FHIT: variants seen among roughly 807,000 people sequenced by gnomAD.
FHIT encodes the protein bis(5'-adenosyl)-triphosphatase.
In FHIT, 19 loss-of-function variants were observed where a neutral mutation model predicts 17.9. That is an observed-to-expected ratio of 1.06 (90% CI 0.74 to 1.56). The LOEUF is 1.56. Among genes scored for constraint, FHIT ranks in the 40% most tolerant of loss-of-function variants. FHIT has a pLI of 0.00. For synonymous variants in FHIT, 81 were observed against 69.7 expected (o/e 1.16, Z -0.81); for missense variants, 248 against 189.2 (o/e 1.31, Z -1.82).
chr3:60,542,096 A>T (rs1010787573), intron 4 of FHIT, among the ~76,000 whole-genome samples: 1 of 152,038 alleles, frequency 6.6e-6, no homozygotes, highest in African/African-American at 2.4e-5. Context: ...GGGCCCTTAT[A>T]CATAATTTTT....
intron 4 of FHIT, among the ~76,000 whole-genome samples, chr3:60,810,838 G>A (rs1473585262): frequency 1.3e-5 from 2 of 152,152 alleles, no homozygotes; most frequent in Non-Finnish European, 2.9e-5. Flanking sequence ...AGTATGTGCT[G>A]GTTCTTCATG....
At chr3:60,369,154 G>A (rs901605088) in intron 5 of FHIT, among the ~76,000 whole-genome samples, 6 of 149,574 alleles carry the variant, frequency 4.0e-5, no homozygotes, top group Non-Finnish European at 9.0e-5. Context: ...TTTATTTTTT[G>A]TAGAGGGGGT....
At chr3:60,116,242 A>G (rs1197152127) in intron 5 of FHIT, among the ~76,000 whole-genome samples, 1 of 152,180 alleles carries the variant, frequency 6.6e-6, no homozygotes, top group Non-Finnish European at 1.5e-5. Flanking sequence ...GTAAAGTAGA[A>G]ATATAAACAA....
chr3:60,858,095 ACTC>A (rs1395192240), intron 3 of FHIT, among the ~76,000 whole-genome samples: 1 of 152,040 alleles, frequency 6.6e-6, no homozygotes, highest in Non-Finnish European at 1.5e-5. Flanking sequence ...CTTGGTCACT[ACTC>A]CAGCCCAGTG....
intron 2 of FHIT, among the ~76,000 whole-genome samples, chr3:61,199,354 T>C (rs983738763): frequency 6.6e-6 from 1 of 152,322 alleles, no homozygotes; most frequent in Admixed American, 6.5e-5. Context: ...CTATCAAGTA[T>C]TTCTTTATTC....
At chr3:60,454,083 T>C (rs1164281378) in intron 5 of FHIT, among the ~76,000 whole-genome samples, 1 of 152,232 alleles carries the variant, frequency 6.6e-6, no homozygotes, top group Non-Finnish European at 1.5e-5. Flanking sequence ...GCCATGCTGA[T>C]GATGATCATT....
intron 5 of FHIT, among the ~76,000 whole-genome samples, chr3:60,203,137 T>G (rs12486070): frequency 0.27 from 40,930 of 151,866 alleles, 5,610 homozygotes; most frequent in African/African-American, 0.3. Flanking sequence ...GTTACTACAG[T>G]TAAGCAAGAT....
intron 4 of FHIT, among the ~76,000 whole-genome samples, chr3:60,610,078 T>A (rs1344303046): frequency 6.6e-6 from 1 of 152,134 alleles, no homozygotes; most frequent in Non-Finnish European, 1.5e-5. Context: ...TAAACTACAT[T>A]ATTATTATAT....
chr3:60,219,987 T>C (rs1703887544), intron 5 of FHIT, among the ~76,000 whole-genome samples: 1 of 152,162 alleles, frequency 6.6e-6, no homozygotes, highest in South Asian at 2.1e-4. Context: ...GGAAAATCCT[T>C]TGGAGTGGCT....
chr3:60,721,504 T>A (rs2107964580), intron 4 of FHIT, among the ~76,000 whole-genome samples: 1 of 152,256 alleles, frequency 6.6e-6, no homozygotes, highest in Admixed American at 6.5e-5. Flanking sequence ...TCAGAGCTGA[T>A]ACCAAGCCAA....
chr3:60,608,863 G>C (rs2038692534), intron 4 of FHIT, among the ~76,000 whole-genome samples: 1 of 152,056 alleles, frequency 6.6e-6, no homozygotes, highest in Non-Finnish European at 1.5e-5. Flanking sequence ...TCTTCTCATT[G>C]AGTATTTTTG....
intron 4 of FHIT, among the ~76,000 whole-genome samples, chr3:60,591,981 C>T (rs1303204717): frequency 3.3e-5 from 5 of 151,788 alleles, no homozygotes; most frequent in African/African-American, 1.2e-4. Context: ...GTCAGAACAG[C>T]TTCCAGTGTG....
intron 4 of FHIT, among the ~76,000 whole-genome samples, chr3:60,749,600 C>G (rs1553716294): frequency 6.6e-6 from 1 of 152,262 alleles, no homozygotes. Flanking sequence ...TCACCACTAA[C>G]ACAAATAAGG....
intron 2 of FHIT, among the ~76,000 whole-genome samples, chr3:61,173,673 A>C (rs2038077160): frequency 6.6e-6 from 1 of 152,230 alleles, no homozygotes; most frequent in African/African-American, 2.4e-5. Context: ...TGAGAACCTA[A>C]AGAGACTGTT....
At chr3:60,435,750 C>G (rs2030167050) in intron 5 of FHIT, among the ~76,000 whole-genome samples, 1 of 152,072 alleles carries the variant, frequency 6.6e-6, no homozygotes, top group South Asian at 2.1e-4. Context: ...TATTTCATCA[C>G]CCAGGTATTA....
chr3:60,153,645 C>T lies in FHIT; in HGVS notation c.104-139493G>A, dbSNP rs189646937. Among the ~76,000 whole-genome samples the T allele has an allele frequency of 3.0e-3, 452 of 152,246 alleles. 13 individuals carry two copies. Among genetic ancestry groups the T allele is most frequent in the Admixed American group, 0.028 (421 of 15,290 alleles). The stretch of plus-strand genomic sequence containing the variant: ...ACACCAATCCAGATAGAATTACGTC[C>T]AAAAGTAGCCTAAGGCCACGTTTAT... On this transcript the variant is annotated intron_variant, in intron 5 of 9. Transcript: ENST00000492590.
chr3:60,135,899 T>C lies in FHIT; in HGVS notation c.104-121747A>G, dbSNP rs368700978. Reference sequence around the variant, plus strand: ...TCAGTAGAGTGGCTCAAAATCTAAATCCACCTAAACTGTCCATCATCGCCC... The same window carrying C: ...TCAGTAGAGTGGCTCAAAATCTAAACCCACCTAAACTGTCCATCATCGCCC... On this transcript the variant is annotated intron_variant, in intron 5 of 9. Transcript: ENST00000492590. 3.9e-5 allele frequency among the ~76,000 whole-genome samples: 6 copies of C among 152,242 alleles called. No homozygotes were observed. The East Asian group carries it at 7.7e-4, about 20-fold the overall frequency.
intron 5 of FHIT, among the ~76,000 whole-genome samples, chr3:60,239,419 G>T (rs555035950): frequency 6.6e-6 from 1 of 152,044 alleles, no homozygotes; most frequent in African/African-American, 2.4e-5. Context: ...AAAAAACTTG[G>T]CTGGGCATGG....
chr3:60,971,252 C>A (rs1244998889), intron 3 of FHIT, among the ~76,000 whole-genome samples: 2 of 152,168 alleles, frequency 1.3e-5, no homozygotes, highest in African/African-American at 4.8e-5. Flanking sequence ...TGCCTGTAGT[C>A]CCAGCTACTC....
Sources: allele counts gnomAD v4.1 joint callset (sites outside exome capture counted in the v4.1 genomes callset), GRCh38; gene constraint gnomAD v4.1.1; transcripts MANE v1.5; gene names NCBI Gene and HGNC (gene_info 2026-07-23, HGNC 2026-07-21).